PTPRQ: variants seen among roughly 807,000 people sequenced by gnomAD.
The protein encoded by PTPRQ is protein tyrosine phosphatase receptor type Q.
A neutral mutation model predicts 246.0 loss-of-function variants in PTPRQ; 199 were observed. The ratio of observed to expected loss-of-function variants is 0.81; its 90% CI spans 0.72 to 0.91. The LOEUF (loss-of-function observed/expected upper bound fraction) is 0.91. Ranked by LOEUF, PTPRQ falls within the 40% of genes least tolerant of loss-of-function variation. The probability of loss-of-function intolerance (pLI) is 0.00; values close to 1 mark genes in which losing one functional copy is unlikely to be tolerated. For synonymous variants in PTPRQ, 869 were observed against 853.2 expected, an observed-to-expected ratio of 1.02 and a Z score of -0.32; for missense variants, 2,624 against 2,528.4, an observed-to-expected ratio of 1.04 and a Z score of -0.81.
intron 25 of PTPRQ, among the ~76,000 whole-genome samples, chr12:80,568,808 A>T (rs750391668): frequency 3.3e-5 from 5 of 152,244 alleles, no homozygotes; most frequent in Non-Finnish European, 1.5e-5. Context: ...ATTTTGAACA[A>T]AGTGATGTCA....
chr12:80,520,875 C>T (rs1258108237), intron 17 of PTPRQ, among the ~76,000 whole-genome samples: 1 of 151,920 alleles, frequency 6.6e-6, no homozygotes, highest in Non-Finnish European at 1.5e-5. Flanking sequence ...GGTATATATC[C>T]AGTAATGGGA....
intron 6 of PTPRQ, among the ~76,000 whole-genome samples, chr12:80,463,168 T>C (rs1893261336): frequency 6.6e-6 from 1 of 152,020 alleles, no homozygotes; most frequent in Non-Finnish European, 1.5e-5. Context: ...AGAGAAGTGC[T>C]TAAAGGAGCT....
chr12:80,481,554 G>A (rs1223246908), intron 8 of PTPRQ, among the ~76,000 whole-genome samples: 2 of 152,046 alleles, frequency 1.3e-5, no homozygotes, highest in South Asian at 2.1e-4. Flanking sequence ...GAAATAAAGG[G>A]CATTCAATTA....
At chr12:80,457,969 G>A (rs4545623) in intron 4 of PTPRQ, among the ~76,000 whole-genome samples, 59,009 of 151,754 alleles carry the variant, frequency 0.39, 13,156 homozygotes, top group African/African-American at 0.61. Context: ...CCATTAATAT[G>A]TATCTATATG....
At position 80,467,084 on chromosome 12, in the gene PTPRQ, G is replaced by A. The variant is rs189094574; in HGVS notation, c.911-1626G>A. 9.9e-4 allele frequency among the ~76,000 whole-genome samples: 150 copies of A among 152,250 alleles called. 1 individual carries two copies. The highest frequency in any genetic ancestry group is 3.4e-3 in the African/African-American group (141 of 41,534). ...AGTGAACAGGCAACCTTCAGAATGGGAGAAAATTTTCACAACCTACTCATC... is the reference window on the plus strand; with the variant it reads ...AGTGAACAGGCAACCTTCAGAATGGAAGAAAATTTTCACAACCTACTCATC... On this transcript the variant is annotated intron_variant, in intron 6 of 44. Coordinates refer to ENST00000644991, the MANE Select transcript of PTPRQ (RefSeq NM_001145026.2).
chr12:80,484,354 A>G, intron 8 of PTPRQ, 79 bp from the exon 9 acceptor site: 1 of 1,449,012 alleles, frequency 6.9e-7, no homozygotes, highest in Non-Finnish European at 9.2e-7. Context: ...ATTGTGAACT[A>G]AGAATTTAGG....
intron 42 of PTPRQ, among the ~76,000 whole-genome samples, chr12:80,671,700 T>C (rs1348242271): frequency 6.6e-6 from 1 of 152,090 alleles, no homozygotes; most frequent in African/African-American, 2.4e-5. Context: ...TTCTAGAAAT[T>C]TGATGTGTAC....
chr12:80,510,225 TA>T, intron 16 of PTPRQ, 97 bp from the exon 17 acceptor site: 1 of 1,224,666 alleles, frequency 8.2e-7, no homozygotes, highest in Non-Finnish European at 1.1e-6. Flanking sequence ...CTAATTCCTT[TA>T]CCAGAAAGTT....
intron 28 of PTPRQ, among the ~76,000 whole-genome samples, chr12:80,613,370 A>G (rs1225246093): frequency 6.6e-6 from 1 of 150,744 alleles, no homozygotes; most frequent in East Asian, 1.9e-4. Flanking sequence ...TGTAAAAATA[A>G]GTGCATATAA....
intron 17 of PTPRQ, among the ~76,000 whole-genome samples, chr12:80,517,972 G>A (rs1399630297): frequency 6.6e-6 from 1 of 152,106 alleles, no homozygotes; most frequent in Non-Finnish European, 1.5e-5. Context: ...TCCATATACT[G>A]ATTTCCTTTC....
chr12:80,472,244 A>G lies in PTPRQ; in HGVS notation c.1179A>G (p.Pro393=), dbSNP rs1489934802. The part of the protein sequence containing the change: ...GPKSNISVFT[P]PDVPGAVFDL... ...AGTCAAATATTTCAGTATTCACTCC[A>G]CCAGATGGTAAGAACATAGGGAATG... The change falls in exon 8 of 45, where the codon CCA becomes CCG. Residue 393 remains proline, a synonymous_variant. Transcript: ENST00000644991. 6.4e-7 allele frequency: 1 copy of G among 1,551,404 alleles called. No homozygotes were observed. The highest frequency in any genetic ancestry group is 8.7e-7 in the Non-Finnish European group (1 of 1,146,922).
rs537690854 is a variant in PTPRQ, at chr12:80,581,139, C to A, written c.4286-6990C>A. Among the ~76,000 whole-genome samples the A allele has an allele frequency of 1.4e-4, 22 of 152,272 alleles. No individual in the cohort carries two copies. The East Asian group carries it at 4.3e-3, about 29-fold the overall frequency. ...GATTAGCAAAGGGCAGCCTCTTCTG[C>A]CTTCTCTAGTTCATTAGCTAGTGAA... On this transcript the variant is annotated intron_variant, in intron 25 of 44. Transcript: ENST00000644991.
chr12:80,527,073 A>T (rs1399307137), intron 17 of PTPRQ, among the ~76,000 whole-genome samples: 5 of 152,062 alleles, frequency 3.3e-5, no homozygotes. Context: ...TTTTTTAAAA[A>T]TCATTTTTGT....
chr12:80,579,879 T>C (rs909003408), intron 25 of PTPRQ, among the ~76,000 whole-genome samples: 2 of 152,186 alleles, frequency 1.3e-5, no homozygotes, highest in African/African-American at 4.8e-5. Flanking sequence ...GATAATTTTG[T>C]ATGTTTTATA....
At chr12:80,619,687 ACCAATCATTTCT>A in intron 31 of PTPRQ, 145 bp downstream of exon 31, 1 of 528,488 alleles carries the variant, frequency 1.9e-6, no homozygotes, top group Non-Finnish European at 2.9e-6. Context: ...TATTAATGAT[ACCAATCATTTCT>A]TTGTAAATAA....
At chr12:80,622,340 C>T (rs1899026470) in intron 33 of PTPRQ, among the ~76,000 whole-genome samples, 1 of 151,998 alleles carries the variant, frequency 6.6e-6, no homozygotes, top group Non-Finnish European at 1.5e-5. Context: ...ACACAAACAT[C>T]TGTCATCTCA....
intron 42 of PTPRQ, among the ~76,000 whole-genome samples, chr12:80,671,364 A>G (rs1232745919): frequency 1.3e-5 from 2 of 152,102 alleles, no homozygotes; most frequent in African/African-American, 2.4e-5. Flanking sequence ...TCTACAGTCA[A>G]TGATTGATTT....
At chr12:80,631,241 T>A (rs1899421475) in intron 33 of PTPRQ, among the ~76,000 whole-genome samples, 1 of 152,168 alleles carries the variant, frequency 6.6e-6, no homozygotes, top group African/African-American at 2.4e-5. Flanking sequence ...GTACTTTTTT[T>A]AAACTATTGG....
At chr12:80,539,316 C>T (rs1036710686) in intron 19 of PTPRQ, among the ~76,000 whole-genome samples, 1 of 151,970 alleles carries the variant, frequency 6.6e-6, no homozygotes, top group Non-Finnish European at 1.5e-5. Context: ...ATAATAATAG[C>T]GATTTGAGTT....
Sources: allele counts gnomAD v4.1 joint callset (sites outside exome capture counted in the v4.1 genomes callset), GRCh38; gene constraint gnomAD v4.1.1; transcripts MANE v1.5; gene names NCBI Gene and HGNC (gene_info 2026-07-23, HGNC 2026-07-21).